CADPS2: variants seen among roughly 807,000 people sequenced by gnomAD.
CADPS2 encodes the protein calcium dependent secretion activator 2, also known as calcium-dependent secretion activator 2.
A neutral mutation model predicts 172.5 loss-of-function variants in CADPS2; 93 were observed. The ratio of observed to expected loss-of-function variants is 0.54; its 90% CI spans 0.46 to 0.64. CADPS2 has a LOEUF of 0.64. Ranked by LOEUF, CADPS2 falls within the 30% of genes least tolerant of loss-of-function variation. The probability of loss-of-function intolerance (pLI) is 0.00; values close to 1 mark genes in which losing one functional copy is unlikely to be tolerated. For missense variants in CADPS2, 1,420 were observed against 1,565.9 expected (o/e 0.91, Z 1.57); for synonymous variants, 546 against 555.2 (o/e 0.98, Z 0.23).
chr7:122,544,106 A>G (rs892874484), intron 8 of CADPS2, among the ~76,000 whole-genome samples: 2 of 152,190 alleles, frequency 1.3e-5, no homozygotes, highest in African/African-American at 4.8e-5. Flanking sequence ...CTATGCATAT[A>G]TATACCAGGA....
chr7:122,400,734 A>G (rs915893137), intron 20 of CADPS2, among the ~76,000 whole-genome samples: 2 of 152,226 alleles, frequency 1.3e-5, no homozygotes, highest in Non-Finnish European at 2.9e-5. Flanking sequence ...TAGATGTTAT[A>G]CCCTTTCTGC....
chr7:122,697,827 C>G (rs941632933), intron 2 of CADPS2: 3 of 1,605,410 alleles, frequency 1.9e-6, no homozygotes, highest in Middle Eastern at 1.7e-4. Context: ...CTGAATGAGG[C>G]TGGATGTCAT....
chr7:122,642,540 C>T (rs1187986860), intron 3 of CADPS2, among the ~76,000 whole-genome samples: 1 of 87,208 alleles, frequency 1.1e-5, no homozygotes, highest in Non-Finnish European at 2.2e-5. Context: ...CTAAGTTTCA[C>T]CCAACAGCTT....
chr7:122,771,286 A>G (rs1316962474), intron 1 of CADPS2, among the ~76,000 whole-genome samples: 1 of 152,202 alleles, frequency 6.6e-6, no homozygotes, highest in Non-Finnish European at 1.5e-5. Context: ...GATTAGACTA[A>G]TCTTTCAGAG....
intron 7 of CADPS2, among the ~76,000 whole-genome samples, chr7:122,579,822 A>G (rs1481950745): frequency 6.6e-6 from 1 of 152,096 alleles, no homozygotes; most frequent in East Asian, 1.9e-4. Context: ...CTTAGGTATT[A>G]ACAAATACAC....
At position 122,566,332 on chromosome 7, in the gene CADPS2, T is replaced by C. The variant is rs756482279; in HGVS notation, c.1336-11643A>G. Among the ~76,000 whole-genome samples the C allele has an allele frequency of 1.8e-4, 27 of 152,112 alleles. 1 individual carries two copies. Among genetic ancestry groups the C allele is most frequent in the Non-Finnish European group, 2.8e-4 (19 of 68,006 alleles). On this transcript the variant is annotated intron_variant, in intron 7 of 29. Transcript: ENST00000449022. Reference sequence around the variant, plus strand: ...TTGTTGGTAGGAATGTGCATTAATATAGCCATTTCAGAAAACAGTATGCAG... The same window carrying C: ...TTGTTGGTAGGAATGTGCATTAATACAGCCATTTCAGAAAACAGTATGCAG...
intron 8 of CADPS2, among the ~76,000 whole-genome samples, chr7:122,541,597 ATATT>A (rs2062968780): frequency 6.9e-6 from 1 of 144,956 alleles, no homozygotes; most frequent in Non-Finnish European, 1.5e-5. Context: ...ATATTCATAT[ATATT>A]TATATATTCA....
At chr7:122,709,674 T>C (rs1327841308) in intron 2 of CADPS2, among the ~76,000 whole-genome samples, 3 of 152,008 alleles carry the variant, frequency 2.0e-5, no homozygotes, top group Admixed American at 1.3e-4. Flanking sequence ...CCAACAATGA[T>C]AGACTGGAGT....
chr7:122,348,973 TA>T (rs2038119114), intron 27 of CADPS2, among the ~76,000 whole-genome samples: 2 of 152,170 alleles, frequency 1.3e-5, no homozygotes, highest in Admixed American at 1.3e-4. Flanking sequence ...ATTATGGTGG[TA>T]AAATTTACAC....
At chr7:122,830,366 A>G (rs991819753) in intron 1 of CADPS2, among the ~76,000 whole-genome samples, 2 of 152,068 alleles carry the variant, frequency 1.3e-5, no homozygotes, top group Non-Finnish European at 2.9e-5. Flanking sequence ...ACAGCATAAA[A>G]TCAGTTAAAT....
At chr7:122,434,408 C>T (rs73216127) in intron 17 of CADPS2, among the ~76,000 whole-genome samples, 2,016 of 152,168 alleles carry the variant, frequency 0.013, 24 homozygotes, top group Middle Eastern at 0.034. Context: ...AGCAAACTTG[C>T]TTATAACATT....
intron 2 of CADPS2, among the ~76,000 whole-genome samples, chr7:122,664,378 C>T (rs1206870886): frequency 1.3e-5 from 2 of 152,074 alleles, no homozygotes; most frequent in African/African-American, 2.4e-5. Context: ...GAAAGCAATA[C>T]CTCTAAGGGA....
intron 3 of CADPS2, among the ~76,000 whole-genome samples, chr7:122,652,075 A>G (rs1202072122): frequency 6.6e-6 from 1 of 152,184 alleles, no homozygotes; most frequent in Non-Finnish European, 1.5e-5. Context: ...ACACCTTAGC[A>G]TCTACTCATT....
chr7:122,363,364 T>C (rs1024719237), intron 25 of CADPS2, among the ~76,000 whole-genome samples: 3 of 152,164 alleles, frequency 2.0e-5, no homozygotes, highest in Non-Finnish European at 2.9e-5. Context: ...ACCTGATTCT[T>C]GGTGCTTGCT....
chr7:122,472,642 T>A (rs1488475119), intron 13 of CADPS2, among the ~76,000 whole-genome samples: 1 of 152,184 alleles, frequency 6.6e-6, no homozygotes, highest in African/African-American at 2.4e-5. Context: ...CAGCTTTTGA[T>A]AATTGAATAA....
intron 2 of CADPS2, among the ~76,000 whole-genome samples, chr7:122,718,828 T>C (rs1480107598): frequency 6.6e-6 from 1 of 152,112 alleles, no homozygotes; most frequent in Admixed American, 6.6e-5. Flanking sequence ...AGAGAACAGA[T>C]ACAATGGAAT....
chr7:122,415,322 G>A (rs1204725186), intron 18 of CADPS2, among the ~76,000 whole-genome samples: 2 of 152,080 alleles, frequency 1.3e-5, no homozygotes, highest in Non-Finnish European at 2.9e-5. Context: ...AAGCAATCAT[G>A]GCATAGGGGG....
At chr7:122,391,334 C>T (rs1403996871) in intron 22 of CADPS2, among the ~76,000 whole-genome samples, 2 of 151,910 alleles carry the variant, frequency 1.3e-5, no homozygotes, top group Non-Finnish European at 2.9e-5. Flanking sequence ...AATTAACATA[C>T]TTTAAAAAAG....
chr7:122,851,504 A>G (rs1473975422), intron 1 of CADPS2, among the ~76,000 whole-genome samples: 1 of 152,176 alleles, frequency 6.6e-6, no homozygotes, highest in African/African-American at 2.4e-5. Context: ...AACCAGTACT[A>G]AAAATAATAG....
Sources: gnomAD v4.1 joint callset for allele counts (sites outside exome capture counted in the v4.1 genomes callset) on GRCh38, gnomAD v4.1.1 for gene constraint, MANE v1.5 for transcripts, NCBI Gene and HGNC (gene_info 2026-07-23, HGNC 2026-07-21) for gene names.